The following FIG4 variants were observed in gnomAD, a reference collection of about 807,000 sequenced individuals.
The protein encoded by FIG4 is FIG4 phosphoinositide 5-phosphatase.
In FIG4, 112 loss-of-function variants were observed where a neutral mutation model predicts 118.6. That is an observed-to-expected ratio of 0.94 (90% CI 0.81 to 1.11). The LOEUF (loss-of-function observed/expected upper bound fraction) is 1.11. Ranked by LOEUF, FIG4 falls within the 50% of genes least tolerant of loss-of-function variation. The pLI is 0.00. For synonymous variants in FIG4, 369 were observed against 381.2 expected (o/e 0.97, Z 0.37); for missense variants, 969 against 1,111.7 (o/e 0.87, Z 1.83).
At chr6:109,769,231 T>C (rs1777384117) in intron 15 of FIG4, among the ~76,000 whole-genome samples, 1 of 150,060 alleles carries the variant, frequency 6.7e-6, no homozygotes, top group Non-Finnish European at 1.5e-5. Flanking sequence ...GCCTCCGGAG[T>C]GTAATGTGCT....
At chr6:109,774,830 C>A (rs116549023) in intron 15 of FIG4, among the ~76,000 whole-genome samples, 1 of 152,076 alleles carries the variant, frequency 6.6e-6, no homozygotes, top group South Asian at 2.1e-4. Flanking sequence ...AGGTAGGGGT[C>A]TAACATCATT....
chr6:109,715,292 C>T, intron 2 of FIG4, 116 bp downstream of exon 2: 1 of 634,648 alleles, frequency 1.6e-6, no homozygotes, highest in Non-Finnish European at 2.8e-6. Flanking sequence ...CTAAAAGTTT[C>T]CGTTATTTTT....
intron 10 of FIG4, among the ~76,000 whole-genome samples, chr6:109,759,315 T>G (rs942873008): frequency 9.2e-5 from 14 of 152,008 alleles, no homozygotes; most frequent in African/African-American, 2.7e-4. Context: ...CTACCTAATG[T>G]AGATATTGGG....
chr6:109,709,187 C>G (rs2128380068), intron 1 of FIG4, among the ~76,000 whole-genome samples: 1 of 152,308 alleles, frequency 6.6e-6, no homozygotes, highest in South Asian at 2.1e-4. Context: ...TATGGCTAGC[C>G]AATTCTCCCA....
Position 109,787,795 on chromosome 6 carries a change from A to G in FIG4, c.2096+1346A>G, listed in dbSNP as rs1298755330. 2.6e-5 allele frequency among the ~76,000 whole-genome samples: 4 copies of G among 152,176 alleles called. No individual in the cohort carries two copies. In the East Asian group the frequency reaches 7.7e-4, roughly 29 times the overall value. On this transcript the variant is annotated intron_variant, in intron 18 of 22. Coordinates refer to ENST00000230124, the MANE Select transcript of FIG4 (RefSeq NM_014845.6). Reference sequence around the variant, plus strand: ...GGACCATTGCTTCTAAGGGAAATACAGGGTTAGGTTCCTGAGAGCCTCTGG... The same window carrying G: ...GGACCATTGCTTCTAAGGGAAATACGGGGTTAGGTTCCTGAGAGCCTCTGG...
chr6:109,765,234 T>A lies in FIG4; in HGVS notation c.1583+73T>A, dbSNP rs1477738349. On this transcript the variant is annotated intron_variant, in intron 14 of 22. Coordinates refer to ENST00000230124, the MANE Select transcript of FIG4 (RefSeq NM_014845.6). The stretch of plus-strand genomic sequence containing the variant: ...AACCTGGTTACTAATAAGATTTTTT[T>A]ATGAAAGCGTTTCTACTTTTAGCTT... 4.8e-6 allele frequency: 6 copies of A among 1,263,012 alleles called. No homozygotes were observed. In the Admixed American group the frequency reaches 7.1e-5, roughly 15 times the overall value. 78.2% of individuals were successfully genotyped at this position (1,263,012 alleles called of 1,614,324 possible).
At chr6:109,816,620 A>G (rs1346475335) in intron 22 of FIG4, among the ~76,000 whole-genome samples, 1 of 152,218 alleles carries the variant, frequency 6.6e-6, no homozygotes, top group Non-Finnish European at 1.5e-5. Context: ...TGTGTGGGAT[A>G]CCCAGTCCTT....
chr6:109,821,487 C>T (rs959258979), intron 22 of FIG4, among the ~76,000 whole-genome samples: 2 of 152,086 alleles, frequency 1.3e-5, no homozygotes, highest in African/African-American at 4.8e-5. Flanking sequence ...GAGGTTAAAA[C>T]AGAAACATAC....
At chr6:109,769,247 A>G (rs1227963265) in intron 15 of FIG4, among the ~76,000 whole-genome samples, 5 of 151,976 alleles carry the variant, frequency 3.3e-5, no homozygotes, top group Non-Finnish European at 5.9e-5. Flanking sequence ...GTGCTTTTTA[A>G]TAAGACTAGA....
chr6:109,765,112 C>T lies in FIG4; in HGVS notation c.1534C>T (p.Leu512=). The change falls in exon 14 of 23, where the codon CTG becomes TTG. Residue 512 remains leucine, a synonymous_variant. Transcript: ENST00000230124. ...TGCTCTGGCCTATCAGCTGTATTCA[C>T]TGGGACTGATTGACAAACCTAATCT... ...KCALAYQLYS[L]GLIDKPNLQF... is the part of the protein sequence containing the mutation. The T allele has an allele frequency of 1.2e-6, 2 of 1,613,938 alleles. No individual in the cohort carries two copies. Among genetic ancestry groups the T allele is most frequent in the East Asian group, 2.2e-5 (1 of 44,862 alleles).
In FIG4 at chr6:109,735,236, A is replaced by T. The variant is rs749696803; in HGVS notation, c.584A>T (p.Gln195Leu). 50 of 1,613,472 alleles carry T rather than the reference A, an allele frequency of 3.1e-5. No individual in the cohort carries two copies. The Admixed American group carries it at 8.3e-4, about 27-fold the overall frequency. The change falls in exon 6 of 23, where the codon CAG (glutamine) becomes CTG (leucine). Residue 195 changes from glutamine to leucine, a missense_variant. This residue lies in a region of FIG4 where 393 missense variants were observed against 409.4 expected (regional missense o/e 0.96). Transcript: ENST00000230124. ...PLEMLKSEMT[Q>L]NRQESFDIFE... is the part of the protein sequence containing the mutation. ...GAGATGTTAAAGTCAGAAATGACCC[A>T]GAATCGCCAAGAGAGCTTTGACATC...
chr6:109,768,880 C>T (rs1777363091), intron 15 of FIG4, among the ~76,000 whole-genome samples: 1 of 152,102 alleles, frequency 6.6e-6, no homozygotes, highest in African/African-American at 2.4e-5. Flanking sequence ...TATTTTCTTG[C>T]AGTTCGGGAG....
chr6:109,725,215 A>G (rs995044365), intron 3 of FIG4, among the ~76,000 whole-genome samples: 1 of 152,118 alleles, frequency 6.6e-6, no homozygotes, highest in East Asian at 1.9e-4. Context: ...TTTGAGCCCC[A>G]CATGCGTTAG....
rs577216150 is a variant in FIG4 at position 109,755,195 on chromosome 6, C to T, written c.1138-5055C>T. Among the ~76,000 whole-genome samples, 1,219 of 152,200 alleles carry T rather than the reference C, an allele frequency of 8.0e-3. 23 individuals carry two copies. The highest frequency in any genetic ancestry group is 0.026 in the African/African-American group (1,078 of 41,504). ...ATTTCTGCCTTCATTTCGTTATGTACCCAGTAGTCATTCAGGAGCTGGTTG... is the reference window on the plus strand; with the variant it reads ...ATTTCTGCCTTCATTTCGTTATGTATCCAGTAGTCATTCAGGAGCTGGTTG... On this transcript the variant is annotated intron_variant, in intron 10 of 22. Transcript: ENST00000230124.
At chr6:109,795,095 G>GTTTTGTTTTTTTTTTTTTTTT (rs1778241316) in intron 21 of FIG4, among the ~76,000 whole-genome samples, 1 of 57,194 alleles carries the variant, frequency 1.7e-5, no homozygotes, top group Non-Finnish European at 3.5e-5. Flanking sequence ...ACACTTGCCA[G>GTTTTGTTTTTTTTTTTTTTTT]TTTTTTTTTT....
intron 10 of FIG4, among the ~76,000 whole-genome samples, chr6:109,750,182 G>A (rs1776646726): frequency 1.3e-5 from 2 of 152,178 alleles, no homozygotes; most frequent in Non-Finnish European, 2.9e-5. Context: ...AGTTGTGAAA[G>A]TTTGAGGCAC....
At chr6:109,760,518 A>G (rs1777070735) in intron 11 of FIG4, 135 bp downstream of exon 11, 5 of 813,888 alleles carry the variant, frequency 6.1e-6, no homozygotes, top group Non-Finnish European at 1.0e-5. Flanking sequence ...GGCTGTTTTG[A>G]GTGCATCAAG....
chr6:109,724,515 C>G (rs1270382834), intron 3 of FIG4, among the ~76,000 whole-genome samples: 4 of 152,166 alleles, frequency 2.6e-5, no homozygotes, highest in Admixed American at 6.6e-5. Flanking sequence ...CTCTACAGCA[C>G]ATATCTTTTT....
intron 10 of FIG4, among the ~76,000 whole-genome samples, chr6:109,755,381 T>C (rs1363171494): frequency 2.0e-5 from 3 of 152,160 alleles, no homozygotes; most frequent in Non-Finnish European, 4.4e-5. Context: ...TTGGAATAGG[T>C]GTGGTGTGGT....
Sources: gnomAD v4.1 joint callset for allele counts (sites outside exome capture counted in the v4.1 genomes callset) on GRCh38, gnomAD v4.1.1 for gene constraint, gnomAD v4.1.1 regional missense constraint, MANE v1.5 for transcripts, NCBI Gene and HGNC (gene_info 2026-07-23, HGNC 2026-07-21) for gene names.